ATP6V0A4: variants seen among roughly 807,000 people sequenced by gnomAD.
ATP6V0A4 encodes ATPase H+ transporting V0 subunit a4, also known as V-type proton ATPase 116 kDa subunit a 4.
Under a neutral mutation model 107.3 loss-of-function variants are expected in ATP6V0A4, and 86 were observed. The observed-to-expected ratio is 0.80, with a 90% confidence interval of 0.67 to 0.96. ATP6V0A4 has a LOEUF of 0.96. Ranked by LOEUF, ATP6V0A4 falls within the 40% of genes least tolerant of loss-of-function variation. The probability of loss-of-function intolerance (pLI) is 0.00; values close to 1 mark genes in which losing one functional copy is unlikely to be tolerated. For missense variants in ATP6V0A4, 908 were observed against 1,045.6 expected (o/e 0.87, Z 1.81); for synonymous variants, 353 against 381.4 (o/e 0.93, Z 0.87).
intron 17 of ATP6V0A4, among the ~76,000 whole-genome samples, chr7:138,729,221 C>T (rs1804866121): frequency 6.6e-6 from 1 of 152,094 alleles, no homozygotes; most frequent in Non-Finnish European, 1.5e-5. Context: ...TTCACCTGGG[C>T]CTGCATGAAA....
At chr7:138,769,040 A>G (rs1025292892) in intron 4 of ATP6V0A4, 133 bp downstream of exon 4, 62 of 1,560,046 alleles carry the variant, frequency 4.0e-5, no homozygotes, top group Middle Eastern at 1.7e-4. Context: ...CATTCCCTCC[A>G]GGTGGGCCTC....
intron 10 of ATP6V0A4, among the ~76,000 whole-genome samples, chr7:138,753,646 G>T (rs1186151634): frequency 6.6e-6 from 1 of 152,166 alleles, no homozygotes; most frequent in Non-Finnish European, 1.5e-5. Flanking sequence ...AACAAACAGG[G>T]TAATCTTTTT....
chr7:138,747,670 C>G (rs951150474), intron 12 of ATP6V0A4, 106 bp from the exon 13 acceptor site: 2 of 1,520,094 alleles, frequency 1.3e-6, no homozygotes, highest in Admixed American at 2.0e-5. Flanking sequence ...TTTCCTTAAG[C>G]CTTTCTGGTT....
At chr7:138,784,172 AT>A (rs903287372) in intron 2 of ATP6V0A4, among the ~76,000 whole-genome samples, 18 of 148,834 alleles carry the variant, frequency 1.2e-4, no homozygotes, top group South Asian at 8.5e-4. Context: ...GTGCCATTGA[AT>A]TTTTTAAAAA....
At chr7:138,789,268 G>T (rs1808300849) in intron 1 of ATP6V0A4, among the ~76,000 whole-genome samples, 1 of 151,478 alleles carries the variant, frequency 6.6e-6, no homozygotes. Flanking sequence ...TTCTTTTTGA[G>T]ACAGAGTCTC....
intron 19 of ATP6V0A4, among the ~76,000 whole-genome samples, chr7:138,717,827 G>A (rs1411722081): frequency 7.0e-6 from 1 of 143,866 alleles, no homozygotes; most frequent in Non-Finnish European, 1.5e-5. Context: ...AGAATCGCTT[G>A]AACCCGGGAG....
intron 5 of ATP6V0A4, 151 bp from the exon 6 acceptor site, chr7:138,763,176 GACACACACAGACACACACACACACAC>G (rs1441964088): frequency 1.0e-4 from 85 of 815,346 alleles, no homozygotes; most frequent in Non-Finnish European, 8.1e-5. Context: ...GACACACACA[GACACACACAGACACACACACACACAC>G]ACACACACAC....
intron 2 of ATP6V0A4, among the ~76,000 whole-genome samples, chr7:138,776,420 C>G (rs1807660825): frequency 6.6e-6 from 1 of 152,216 alleles, no homozygotes; most frequent in South Asian, 2.1e-4. Context: ...AGAATCCAGA[C>G]ACCTGGATGA....
At chr7:138,711,528 A>G (rs1803742567) in intron 20 of ATP6V0A4, among the ~76,000 whole-genome samples, 1 of 152,184 alleles carries the variant, frequency 6.6e-6, no homozygotes, top group African/African-American at 2.4e-5. Context: ...CAGGCCTGCC[A>G]CTTGCAAGCG....
chr7:138,777,969 G>C (rs934543185), intron 2 of ATP6V0A4, among the ~76,000 whole-genome samples: 2 of 152,158 alleles, frequency 1.3e-5, no homozygotes, highest in Admixed American at 1.3e-4. Context: ...AAATTTCGCT[G>C]ACTTCATGTG....
intron 2 of ATP6V0A4, among the ~76,000 whole-genome samples, chr7:138,785,025 T>G (rs1433469951): frequency 6.6e-6 from 1 of 152,180 alleles, no homozygotes; most frequent in East Asian, 1.9e-4. Flanking sequence ...CACAATCACA[T>G]GTTCAGTGTA....
intron 2 of ATP6V0A4, among the ~76,000 whole-genome samples, chr7:138,777,987 G>T (rs1237059288): frequency 6.6e-6 from 1 of 152,124 alleles, no homozygotes; most frequent in Non-Finnish European, 1.5e-5. Context: ...GTGACAGGTC[G>T]CAATCAAAAC....
At chr7:138,772,967 G>A (rs1420506345) in intron 2 of ATP6V0A4, among the ~76,000 whole-genome samples, 2 of 152,114 alleles carry the variant, frequency 1.3e-5, no homozygotes, top group Non-Finnish European at 2.9e-5. Context: ...AGAGCCAAGG[G>A]GAGGAGGAGG....
chr7:138,745,007 T>C, intron 14 of ATP6V0A4, 116 bp downstream of exon 14: 1 of 996,758 alleles, frequency 1.0e-6, no homozygotes, highest in Non-Finnish European at 1.6e-6. Flanking sequence ...CTGGCCTATT[T>C]GAATTTTCAA....
chr7:138,730,335 G>A (rs1053907432), intron 17 of ATP6V0A4, among the ~76,000 whole-genome samples: 46 of 131,984 alleles, frequency 3.5e-4, no homozygotes, highest in Non-Finnish European at 5.1e-4. Flanking sequence ...ACAAAGCAAC[G>A]GGATGAGTGT....
intron 7 of ATP6V0A4, among the ~76,000 whole-genome samples, chr7:138,761,313 C>T (rs1274278061): frequency 1.4e-5 from 2 of 147,150 alleles, no homozygotes; most frequent in Non-Finnish European, 3.0e-5. Flanking sequence ...GCCTGGGCAA[C>T]AGAGTGAGAG....
chr7:138,722,926 C>T (rs1448413807), intron 18 of ATP6V0A4, among the ~76,000 whole-genome samples: 1 of 144,710 alleles, frequency 6.9e-6, no homozygotes, highest in African/African-American at 2.6e-5. Flanking sequence ...GGCATGGTAG[C>T]ACATGCCTGT....
intron 6 of ATP6V0A4, 152 bp downstream of exon 6, chr7:138,762,748 T>G: frequency 1.0e-6 from 1 of 1,003,100 alleles, no homozygotes; most frequent in Non-Finnish European, 1.6e-6. Context: ...CTACAATTAT[T>G]CCACCCAAAA....
At chr7:138,769,909 C>T (rs575835523) in intron 3 of ATP6V0A4, among the ~76,000 whole-genome samples, 1 of 152,050 alleles carries the variant, frequency 6.6e-6, no homozygotes, top group Admixed American at 6.6e-5. Flanking sequence ...GAGACCTCAT[C>T]TCTACAAAAA....
Sources: allele counts gnomAD v4.1 joint callset (sites outside exome capture counted in the v4.1 genomes callset), GRCh38; gene constraint gnomAD v4.1.1; transcripts MANE v1.5; gene names NCBI Gene and HGNC (gene_info 2026-07-23, HGNC 2026-07-21).